The following PFKFB1 variants were observed in gnomAD, a reference collection of about 807,000 sequenced individuals.
The protein encoded by PFKFB1 is 6-phosphofructo-2-kinase/fructose-2,6-biphosphatase 1, also known as 6-phosphofructo-2-kinase/fructose-2,6-bisphosphatase 1.
A neutral mutation model predicts 46.4 loss-of-function variants in PFKFB1; 34 were observed. That is an observed-to-expected ratio of 0.73 (90% confidence interval 0.56 to 0.98). The LOEUF is 0.98. PFKFB1 is among the 50% of genes least tolerant of loss of function. PFKFB1 has a pLI of 0.00. For synonymous variants in PFKFB1, 119 were observed against 133.8 expected (o/e 0.89, Z 0.76); for missense variants, 393 against 376.3 (o/e 1.04, Z -0.37).
At chrX:54,939,163 A>G (rs1311815245) in intron 10 of PFKFB1, among the ~76,000 whole-genome samples, 2 of 112,055 alleles carry the variant, frequency 1.8e-5, no homozygotes, top group African/African-American at 3.2e-5. Flanking sequence ...TAACGAAATG[A>G]AGGCAGAAAT....
At chrX:54,961,010 T>C in intron 2 of PFKFB1, 93 bp from the exon 3 acceptor site, 1 of 489,358 alleles carries the variant, frequency 2.0e-6, no homozygotes, top group Non-Finnish European at 3.5e-6. Context: ...TAGAAGAAGG[T>C]ATAATTTGTA....
In PFKFB1 at chrX:54,937,634, T is replaced by C. The variant is rs766976938; in HGVS notation, c.1189A>G (p.Met397Val). The change falls in exon 11 of 14, where the codon ATG becomes GTG. Residue 397 changes from methionine to valine, a missense_variant. By Grantham distance (21) the Met-to-Val change is conservative (BLOSUM62 1). Coordinates refer to ENST00000375006, the MANE Select transcript of PFKFB1 (RefSeq NM_002625.4). ...NVLVICHQAV[M>V]RCLLAYFLDK... ...AGGAAATAGGCCAGGAGGCACCGCATGACAGCCTGGTGGCAGATCACCAGT... is the reference window on the plus strand; with the variant it reads ...AGGAAATAGGCCAGGAGGCACCGCACGACAGCCTGGTGGCAGATCACCAGT... 2.5e-6 allele frequency: 3 copies of C among 1,209,614 alleles called. No homozygotes were observed. The highest frequency in any genetic ancestry group is 3.5e-5 in the South Asian group (2 of 56,883).
At chrX:54,936,882 G>A (rs1165245834) in intron 11 of PFKFB1, among the ~76,000 whole-genome samples, 1 of 111,003 alleles carries the variant, frequency 9.0e-6, no homozygotes, top group Non-Finnish European at 1.9e-5. Flanking sequence ...GCATTGCTCT[G>A]AGACACCTTA....
chrX:54,940,311 A>G (rs758602757), intron 10 of PFKFB1, among the ~76,000 whole-genome samples: 28 of 111,765 alleles, frequency 2.5e-4, no homozygotes, highest in Admixed American at 1.6e-3. Context: ...AACTGGAAGC[A>G]TTCCCTTTGA....
At chrX:54,959,331 G>C (rs1253503411) in intron 4 of PFKFB1, among the ~76,000 whole-genome samples, 3 of 110,929 alleles carry the variant, frequency 2.7e-5, no homozygotes, top group African/African-American at 9.9e-5. Context: ...CTCTAAAACA[G>C]GAAACAATTC....
intron 9 of PFKFB1, among the ~76,000 whole-genome samples, chrX:54,948,266 T>C (rs1349166890): frequency 9.0e-6 from 1 of 111,477 alleles, no homozygotes; most frequent in African/African-American, 3.3e-5. Flanking sequence ...CTTCATTCCA[T>C]CTCCGATGCC....
Position 54,945,463 on chromosome X carries a change from A to G in PFKFB1, c.1074T>C (p.Tyr358=). The G allele has an allele frequency of 8.3e-7, 1 of 1,199,430 alleles. No homozygotes were observed. The highest frequency in any genetic ancestry group is 3.0e-5 in the East Asian group (1 of 33,768). Reference sequence around the variant, plus strand: ...CCTCTCCCTTGGGATAGCGGTAGCGATATTTATCTTGGTCTCGCAGTGCAA... The same window carrying G: ...CCTCTCCCTTGGGATAGCGGTAGCGGTATTTATCTTGGTCTCGCAGTGCAA... The part of the protein sequence containing the change: ...EEFALRDQDK[Y]RYRYPKGESY... The change falls in exon 10 of 14, where the codon TAT becomes TAC. Residue 358 remains tyrosine, a synonymous_variant. Transcript: ENST00000375006.
intron 1 of PFKFB1, among the ~76,000 whole-genome samples, chrX:54,971,968 G>A (rs1842198864): frequency 8.9e-6 from 1 of 111,755 alleles, no homozygotes; most frequent in African/African-American, 3.3e-5. Flanking sequence ...TCCTACCCAT[G>A]AGCATGGAAT....
intron 8 of PFKFB1, among the ~76,000 whole-genome samples, chrX:54,951,442 T>C (rs1027837709): frequency 1.8e-5 from 2 of 111,417 alleles, no homozygotes; most frequent in Non-Finnish European, 3.8e-5. Flanking sequence ...GACACCTGCG[T>C]TGGGATAAGG....
At chrX:54,934,216 C>T (rs953685808) in intron 12 of PFKFB1, among the ~76,000 whole-genome samples, 3 of 112,149 alleles carry the variant, frequency 2.7e-5, no homozygotes, top group Non-Finnish European at 3.8e-5. Context: ...ACAGCAGTCT[C>T]ATCTATGTAA....
intron 10 of PFKFB1, among the ~76,000 whole-genome samples, chrX:54,944,455 C>T (rs1367294364): frequency 8.1e-5 from 9 of 111,413 alleles, no homozygotes; most frequent in South Asian, 7.5e-4. Context: ...TTAAAAACAA[C>T]GAAACCCAAC....
chrX:54,949,480 G>A lies in PFKFB1; in HGVS notation c.847-259C>T, dbSNP rs764294898. Among the ~76,000 whole-genome samples, 7 of 109,888 alleles carry A rather than the reference G, an allele frequency of 6.4e-5. No homozygotes were observed. In the South Asian group the frequency reaches 2.4e-3, roughly 38 times the overall value. ...AGCGCTTATTTGACGATTGCTCACCGAAGCCCCTACTTGGTTATTCATTCA... is the reference window on the plus strand; with the variant it reads ...AGCGCTTATTTGACGATTGCTCACCAAAGCCCCTACTTGGTTATTCATTCA... On this transcript the variant is annotated intron_variant, in intron 8 of 13. Coordinates refer to ENST00000375006, the MANE Select transcript of PFKFB1 (RefSeq NM_002625.4).
At chrX:54,996,808 G>A (rs902304722), upstream of PFKFB1, among the ~76,000 whole-genome samples, 1 of 111,512 alleles carries the variant, frequency 9.0e-6, no homozygotes, top group Non-Finnish European at 1.9e-5. Context: ...AGCCTGAAAT[G>A]CCATTTTCCT....
chrX:54,986,073 A>G (rs952815814), intron 1 of PFKFB1, among the ~76,000 whole-genome samples: 1 of 112,080 alleles, frequency 8.9e-6, no homozygotes, highest in African/African-American at 3.2e-5. Flanking sequence ...AGATTAATCA[A>G]CCCAATCAAA....
intron 1 of PFKFB1, among the ~76,000 whole-genome samples, chrX:54,968,563 G>A (rs1024017759): frequency 9.0e-6 from 1 of 110,961 alleles, no homozygotes; most frequent in Non-Finnish European, 1.9e-5. Context: ...AATTTCATAG[G>A]TATTACAATG....
At chrX:54,978,739 C>CTGATG (rs1158631295) in intron 1 of PFKFB1, among the ~76,000 whole-genome samples, 1 of 111,786 alleles carries the variant, frequency 8.9e-6, no homozygotes, top group African/African-American at 3.2e-5. Context: ...CATCTTCCCT[C>CTGATG]TGATGTGATG....
intron 1 of PFKFB1, among the ~76,000 whole-genome samples, chrX:54,978,961 A>G (rs1934904093): frequency 8.9e-6 from 1 of 111,999 alleles, no homozygotes. Flanking sequence ...CCAACGTGGT[A>G]TGCTGGATTG....
chrX:54,933,660 G>A (rs1307714254), intron 13 of PFKFB1, among the ~76,000 whole-genome samples, 161 bp downstream of exon 13: 3 of 111,847 alleles, frequency 2.7e-5, no homozygotes, highest in East Asian at 2.8e-4. Context: ...ATGGTGCCTC[G>A]TGTCTGGGTT....
At chrX:54,952,248 C>T (rs1934008195) in intron 7 of PFKFB1, 136 bp from the exon 8 acceptor site, 2 of 500,025 alleles carry the variant, frequency 4.0e-6, no homozygotes, top group Admixed American at 5.8e-5. Context: ...GATGCAATGC[C>T]TTGCCCTGTA....
Sources: allele counts gnomAD v4.1 joint callset (sites outside exome capture counted in the v4.1 genomes callset), GRCh38; gene constraint gnomAD v4.1.1; transcripts MANE v1.5; gene names NCBI Gene and HGNC (gene_info 2026-07-23, HGNC 2026-07-21).